Variants in IFI35 observed in about 807,000 individuals in gnomAD.
IFI35 encodes the protein interferon induced protein 35, also known as interferon-induced 35 kDa protein.
Under a neutral mutation model 28.6 loss-of-function variants are expected in IFI35, and 30 were observed. That is an observed-to-expected ratio of 1.05 (90% CI 0.79 to 1.43). The LOEUF is 1.43. Ranked by LOEUF, IFI35 falls within the 40% of genes most tolerant of loss-of-function variation. The pLI is 0.00. For missense variants in IFI35, 372 were observed against 356.9 expected, an observed-to-expected ratio of 1.04 and a Z score of -0.34; for synonymous variants, 146 against 154.8, an observed-to-expected ratio of 0.94 and a Z score of 0.42.
chr17:43,012,801 T>C, intron 2 of IFI35: 1 of 507,268 alleles, frequency 2.0e-6, no homozygotes, highest in Non-Finnish European at 3.5e-6. Context: ...ACTTCCTTGC[T>C]GTGTGACCTC....
chr17:43,006,959 A>G lies in IFI35; in HGVS notation c.12A>G (p.Pro4=), dbSNP rs1567741222. MSA[P]LDAALHALQE... ...CAGACCCGAGACCCATGTCAGCCCC[A>G]CTGGATGCCGTAAGTGAGGAGGAGG... is the stretch of plus-strand genomic sequence containing the variant. Residue 4 remains proline (P), a synonymous_variant, in exon 1 of 7, where the codon CCA becomes CCG. Coordinates refer to ENST00000415816, the MANE Select transcript of IFI35 (RefSeq NM_001330230.2). 2 of 1,613,934 alleles carry G rather than the reference A, an allele frequency of 1.2e-6. No homozygotes were observed. The highest frequency in any genetic ancestry group is 8.5e-7 in the Non-Finnish European group (1 of 1,179,950).
In IFI35 at chr17:43,014,143, GCTCA is replaced by G. The variant is rs1451185819; in HGVS notation, c.706_709del (p.Leu236ThrfsTer29). The G allele has an allele frequency of 6.8e-6, 11 of 1,614,094 alleles. No homozygotes were observed. Among genetic ancestry groups the G allele is most frequent in the Non-Finnish European group, 9.3e-6 (11 of 1,180,010 alleles). ...AGCCAGTTCCCCGCTCGGTACTGGTGCTCAACATTCCTGATATCTTGGATGGCCC... is the reference window on the plus strand; with the variant it reads ...AGCCAGTTCCCCGCTCGGTACTGGTGACATTCCTGATATCTTGGATGGCCC... On this transcript the variant is annotated frameshift_variant, in exon 7 of 7. Coordinates refer to ENST00000415816, the MANE Select transcript of IFI35 (RefSeq NM_001330230.2). LOFTEE classifies it high-confidence loss of function.
intron 1 of IFI35, among the ~76,000 whole-genome samples, chr17:43,010,190 G>A (rs534209497): frequency 4.0e-5 from 6 of 151,708 alleles, no homozygotes; most frequent in East Asian, 1.9e-4. Flanking sequence ...AGCAGAGATC[G>A]CGCCACTGCA....
intron 2 of IFI35, 92 bp downstream of exon 2, chr17:43,012,369 C>A: frequency 2.5e-6 from 2 of 808,886 alleles, no homozygotes; most frequent in Non-Finnish European, 2.0e-6. Context: ...CTTTGGTAGG[C>A]CAAGGGGGCC....
chr17:43,007,378 G>A (rs1398758607), intron 1 of IFI35, among the ~76,000 whole-genome samples: 2 of 151,982 alleles, frequency 1.3e-5, no homozygotes, highest in South Asian at 2.1e-4. Flanking sequence ...GGTGGTGTGC[G>A]CCTGTAATCC....
chr17:43,013,732 A>AGAG (rs1196462168), intron 5 of IFI35, 44 bp from the exon 6 acceptor site: 2 of 1,607,474 alleles, frequency 1.2e-6, no homozygotes, highest in Admixed American at 3.3e-5. Flanking sequence ...CAGGGAGAGG[A>AGAG]GAGGGCTTGA....
At chr17:43,012,708 TG>T (rs1379918731) in intron 2 of IFI35, 5 of 294,936 alleles carry the variant, frequency 1.7e-5, no homozygotes, top group African/African-American at 1.1e-4. Flanking sequence ...ACACTCCAGC[TG>T]GGTGACAGAG....
intron 1 of IFI35, among the ~76,000 whole-genome samples, chr17:43,010,404 A>G (rs865983155): frequency 2.0e-4 from 30 of 152,286 alleles, no homozygotes; most frequent in Middle Eastern, 3.4e-3. Context: ...AAACAAAACA[A>G]AACAAAAACA....
Position 43,006,795 on chromosome 17 carries a change from C to G in IFI35, c.-153C>G. On this transcript the variant is annotated 5_prime_UTR_variant, in exon 1 of 7. Transcript: ENST00000415816. The stretch of plus-strand genomic sequence containing the variant: ...AATGAAAGTGGAAGCAAACAGCCTG[C>G]GAGCAGAGCCTCCTGAGGTGTATTT... The G allele has an allele frequency of 1.4e-6, 1 of 713,712 alleles. No individual in the cohort carries two copies. Among genetic ancestry groups the G allele is most frequent in the South Asian group, 1.7e-5 (1 of 59,852 alleles). The allele number at this position is 713,712 out of a possible 1,614,324, so 44.2% of individuals were successfully genotyped here. A position where few individuals can be genotyped will look rare whatever the true frequency, so the allele number is the denominator to read the frequency against.
rs1258874344 is a variant in IFI35 at position 43,006,815 on chromosome 17, G to GT, written c.-132dup. On this transcript the variant is annotated 5_prime_UTR_variant, in exon 1 of 7. Coordinates refer to ENST00000415816, the MANE Select transcript of IFI35 (RefSeq NM_001330230.2). Reference sequence around the variant, plus strand: ...GCCTGCGAGCAGAGCCTCCTGAGGTGTATTTCGGGTCTTGCTGGGGCTGAG... The same window carrying GT: ...GCCTGCGAGCAGAGCCTCCTGAGGTGTTATTTCGGGTCTTGCTGGGGCTGAG... 3.7e-5 allele frequency: 32 copies of GT among 871,594 alleles called. No individual in the cohort carries two copies. In the African/African-American group the frequency reaches 4.8e-4, roughly 13 times the overall value. 54.0% of individuals were successfully genotyped at this position (871,594 alleles called of 1,614,324 possible). A position where few individuals can be genotyped will look rare whatever the true frequency, so the allele number is the denominator to read the frequency against.
At chr17:43,007,819 GTC>G (rs1344787730) in intron 1 of IFI35, among the ~76,000 whole-genome samples, 1 of 121,066 alleles carries the variant, frequency 8.3e-6, no homozygotes, top group African/African-American at 3.4e-5. Flanking sequence ...GAGGGAGACT[GTC>G]TCTCACACAC....
At position 43,013,160 on chromosome 17, in the gene IFI35, G is replaced by A. The variant is rs777520662; in HGVS notation, c.234G>A (p.Ala78=). ...TGCGGATCCACTGCCCTCTGCTTGC[G>A]GGCTCTGCTCTGATCACCTTTGATG... ...SNLRIHCPLL[A]GSALITFDDP... The change falls in exon 3 of 7, where the codon GCG becomes GCA. Residue 78 remains alanine, a synonymous_variant. Coordinates refer to ENST00000415816, the MANE Select transcript of IFI35 (RefSeq NM_001330230.2). 16 of 1,613,908 alleles carry A rather than the reference G, an allele frequency of 9.9e-6. No homozygotes were observed. In the East Asian group the frequency reaches 1.3e-4, roughly 13 times the overall value.
At chr17:43,011,067 C>T (rs2050453966) in intron 1 of IFI35, among the ~76,000 whole-genome samples, 1 of 152,182 alleles carries the variant, frequency 6.6e-6, no homozygotes, top group African/African-American at 2.4e-5. Context: ...AGTCCAGGGA[C>T]AAGCTAGAAT....
In IFI35 at chr17:43,013,117, A is replaced by C; in HGVS notation, c.191A>C (p.Lys64Thr). 1 of 1,613,942 alleles carries C rather than the reference A, an allele frequency of 6.2e-7. No homozygotes were observed. The highest frequency in any genetic ancestry group is 1.6e-4 in the Middle Eastern group (1 of 6,062). Residue 64 changes from lysine to threonine, a missense_variant, in exon 3 of 7, where the codon AAG becomes ACG. By Grantham distance (78) the Lys-to-Thr change is moderately conservative (BLOSUM62 -1). Transcript: ENST00000415816. Reference sequence around the variant, plus strand: ...ACCCAGCAGGACCCGGAAGTGCCTAAGTCTTTAGTTTCCAATTTGCGGATC... The same window carrying C: ...ACCCAGCAGGACCCGGAAGTGCCTACGTCTTTAGTTTCCAATTTGCGGATC... ...GHTQQDPEVPKSLVSNLRIHC... is the reference protein window; with the variant it reads ...GHTQQDPEVPTSLVSNLRIHC...
chr17:43,011,742 A>G (rs2151968796), intron 1 of IFI35, among the ~76,000 whole-genome samples: 1 of 152,258 alleles, frequency 6.6e-6, no homozygotes, highest in East Asian at 1.9e-4. Flanking sequence ...GGTGTCCCTA[A>G]TTGGGTTAAC....
chr17:43,012,216 A>C lies in IFI35; in HGVS notation c.59A>C (p.Lys20Thr), dbSNP rs1158317108. ...HALQEEQARL[K>T]MRLWDLQQLR... ...CTTCAGGAGGAGCAGGCCAGACTCA[A>C]GATGAGGCTGTGGGACCTGCAGCAG... Residue 20 changes from lysine (K) to threonine (T), a missense_variant, in exon 2 of 7, where the codon AAG becomes ACG. Coordinates refer to ENST00000415816, the MANE Select transcript of IFI35 (RefSeq NM_001330230.2). 1.3e-6 allele frequency: 2 copies of C among 1,579,202 alleles called. No individual in the cohort carries two copies. The highest frequency in any genetic ancestry group is 1.7e-6 in the Non-Finnish European group (2 of 1,162,222).
In IFI35 at chr17:43,013,914, G is replaced by A. The variant is rs747222139; in HGVS notation, c.669+32G>A. On this transcript the variant is annotated intron_variant, in intron 6 of 6. Transcript: ENST00000415816. ...AGGAGGGGTGAAGAACAGGGGCTGG[G>A]CTGGGTAACCTGTCTGCCTGCCAGG... is the stretch of plus-strand genomic sequence containing the variant. 7 of 1,495,764 alleles carry A rather than the reference G, an allele frequency of 4.7e-6. No individual in the cohort carries two copies. The Admixed American group carries it at 6.3e-5, about 13-fold the overall frequency. 92.7% of individuals were successfully genotyped at this position (1,495,764 alleles called of 1,614,324 possible).
Position 43,013,545 on chromosome 17 carries a change from G to C in IFI35, c.445G>C (p.Glu149Gln). Residue 149 changes from glutamate (E) to glutamine (Q), a missense_variant, in exon 5 of 7, where the codon GAG (glutamate) becomes CAG (glutamine). Glu to Gln is a conservative substitution (Grantham distance 29). Coordinates refer to ENST00000415816, the MANE Select transcript of IFI35 (RefSeq NM_001330230.2). ...TCCTGCCAGCCTCAGGCTGAGTGAG[G>C]AGGAGCTGCTGGACAAGCTAGAGAT... ...GFPASLRLSE[E>Q]ELLDKLEIFF... 6 of 1,614,172 alleles carry C rather than the reference G, an allele frequency of 3.7e-6. No individual in the cohort carries two copies. In the South Asian group the frequency reaches 5.5e-5, roughly 15 times the overall value.
chr17:43,006,960 C>A lies in IFI35; in HGVS notation c.13C>A (p.Leu5Met). Residue 5 changes from leucine to methionine, a missense_variant, in exon 1 of 7, where the codon CTG becomes ATG. Physicochemically the swap from Leu to Met is conservative, Grantham distance 15. Coordinates refer to ENST00000415816, the MANE Select transcript of IFI35 (RefSeq NM_001330230.2). Reference protein sequence around the residue: MSAPLDAALHALQEE... With the variant: MSAPMDAALHALQEE... ...AGACCCGAGACCCATGTCAGCCCCA[C>A]TGGATGCCGTAAGTGAGGAGGAGGG... 1 of 1,614,088 alleles carries A rather than the reference C, an allele frequency of 6.2e-7. No homozygotes were observed. The highest frequency in any genetic ancestry group is 8.5e-7 in the Non-Finnish European group (1 of 1,179,956).
Sources: gnomAD v4.1 joint callset for allele counts (sites outside exome capture counted in the v4.1 genomes callset) on GRCh38, gnomAD v4.1.1 for gene constraint, MANE v1.5 for transcripts, NCBI Gene and HGNC (gene_info 2026-07-23, HGNC 2026-07-21) for gene names.